The following NOD2 variants were observed in gnomAD, a reference collection of about 807,000 sequenced individuals.
The protein encoded by NOD2 is nucleotide binding oligomerization domain containing 2, also known as nucleotide-binding oligomerization domain-containing protein 2.
In NOD2, 86 loss-of-function variants were observed where a neutral mutation model predicts 90.9. The observed-to-expected ratio is 0.95, with a 90% CI of 0.79 to 1.13. NOD2 has a LOEUF of 1.13. Among genes scored for constraint, NOD2 ranks in the 50% most tolerant of loss-of-function variants. NOD2 has a pLI of 0.00. For missense variants in NOD2, 1,238 were observed against 1,283.8 expected (o/e 0.96, Z 0.55); for synonymous variants, 581 against 554.6 (o/e 1.05, Z -0.67).
At position 50,711,722 on chromosome 16, in the gene NOD2, T is replaced by G; in HGVS notation, c.1730T>G (p.Ile577Ser). The G allele has an allele frequency of 6.2e-7, 1 of 1,614,138 alleles. No homozygotes were observed. The highest frequency in any genetic ancestry group is 8.5e-7 in the Non-Finnish European group (1 of 1,180,040). ...GSTAPLEFLHITFQCFFAAFY... is the reference protein window; with the variant it reads ...GSTAPLEFLHSTFQCFFAAFY... ...ACGGCGCCCCTGGAATTCCTTCACA[T>G]CACTTTCCAGTGCTTCTTTGCCGCG... Residue 577 changes from isoleucine (I) to serine (S), a missense_variant, in exon 4 of 12, where the codon ATC becomes AGC. Physicochemically the swap from Ile to Ser is moderately radical, Grantham distance 142. This residue lies in a region of NOD2 where 667 missense variants were observed against 688.7 expected (regional missense o/e 0.97). Transcript: ENST00000647318.
intron 6 of NOD2, among the ~76,000 whole-genome samples, chr16:50,718,253 G>A (rs62029864): frequency 0.17 from 25,716 of 152,116 alleles, 2,865 homozygotes; most frequent in Non-Finnish European, 0.25. Flanking sequence ...CACACTTCAG[G>A]AGGAGAATCA....
rs778408661 is a variant in NOD2 at position 50,722,653 on chromosome 16, G to A, written c.2665G>A (p.Ala889Thr). Reference protein sequence around the residue: ...FWGNRVGDEGAQALAEALGDH... With the variant: ...FWGNRVGDEGTQALAEALGDH... ...GGGCAACAGAGTGGGTGACGAGGGG[G>A]CCCAGGCCCTGGCTGAAGCCTTGGG... The change falls in exon 8 of 12, where the codon GCC (alanine) becomes ACC (threonine). Residue 889 changes from alanine (A) to threonine (T), a missense_variant. Ala to Thr is a moderately conservative substitution (Grantham distance 58). Coordinates refer to ENST00000647318, the MANE Select transcript of NOD2 (RefSeq NM_001370466.1). 4.3e-6 allele frequency: 7 copies of A among 1,614,128 alleles called. No homozygotes were observed. Among genetic ancestry groups the A allele is most frequent in the East Asian group, 2.2e-5 (1 of 44,898 alleles).
At position 50,699,578 on chromosome 16, in the gene NOD2, G is replaced by A. The variant is rs749222396; in HGVS notation, c.83G>A (p.Ser28Asn). 2.5e-6 allele frequency: 4 copies of A among 1,613,970 alleles called. No individual in the cohort carries two copies. Among genetic ancestry groups the A allele is most frequent in the Non-Finnish European group, 3.4e-6 (4 of 1,179,960 alleles). The stretch of plus-strand genomic sequence containing the variant: ...TCAGGGTCCCTGGAAGGCTTCGAGA[G>A]TGTCCTGGACTGGCTGCTGTCCTGG... Reference protein sequence around the residue: ...LVSGSLEGFESVLDWLLSWEV... With the variant: ...LVSGSLEGFENVLDWLLSWEV... The change falls in exon 2 of 12, where the codon AGT becomes AAT. Residue 28 changes from serine (S) to asparagine (N), a missense_variant. Coordinates refer to ENST00000647318, the MANE Select transcript of NOD2 (RefSeq NM_001370466.1).
chr16:50,702,096 C>A (rs1036548759), intron 2 of NOD2, among the ~76,000 whole-genome samples: 1 of 152,170 alleles, frequency 6.6e-6, no homozygotes, highest in Non-Finnish European at 1.5e-5. Flanking sequence ...AGGCTAGCAC[C>A]ACCATACCAG....
chr16:50,710,274 C>G (rs1349093078), intron 3 of NOD2, among the ~76,000 whole-genome samples: 1 of 152,266 alleles, frequency 6.6e-6, no homozygotes, highest in East Asian at 1.9e-4. Flanking sequence ...AGCACTTACA[C>G]TGTGCTAAGC....
chr16:50,711,400 C>A lies in NOD2; in HGVS notation c.1408C>A (p.Gln470Lys), dbSNP rs1964490567. The A allele has an allele frequency of 6.2e-7, 1 of 1,613,742 alleles. No individual in the cohort carries two copies. The highest frequency in any genetic ancestry group is 8.5e-7 in the Non-Finnish European group (1 of 1,180,042). The change falls in exon 4 of 12, where the codon CAG becomes AAG. Residue 470 changes from glutamine (Q) to lysine (K), a missense_variant. Coordinates refer to ENST00000647318, the MANE Select transcript of NOD2 (RefSeq NM_001370466.1). ...VFSWMVSKCHQELLLQEGGSP... is the reference protein window; with the variant it reads ...VFSWMVSKCHKELLLQEGGSP... ...CTCATGGATGGTGTCCAAATGCCACCAGGAACTGTTGCTGCAGGAGGGGGG... is the reference window on the plus strand; with the variant it reads ...CTCATGGATGGTGTCCAAATGCCACAAGGAACTGTTGCTGCAGGAGGGGGG...
intron 6 of NOD2, among the ~76,000 whole-genome samples, chr16:50,719,039 C>G (rs1010988395): frequency 6.6e-6 from 1 of 152,162 alleles, no homozygotes; most frequent in Non-Finnish European, 1.5e-5. Context: ...CTTGGCAAGG[C>G]TGATGAGGAG....
chr16:50,714,832 A>C (rs905752603), intron 4 of NOD2, among the ~76,000 whole-genome samples: 3 of 152,086 alleles, frequency 2.0e-5, no homozygotes, highest in Admixed American at 6.5e-5. Flanking sequence ...TGGCTCTCTC[A>C]GACTCTAGAG....
chr16:50,716,437 A>C (rs547949623), intron 4 of NOD2, 150 bp from the exon 5 acceptor site: 1 of 752,150 alleles, frequency 1.3e-6, no homozygotes, highest in African/African-American at 1.7e-5. Flanking sequence ...TGGGGTCTCC[A>C]CTTTTTTGGG....
intron 1 of NOD2, chr16:50,697,432 C>A: frequency 1.9e-6 from 2 of 1,028,162 alleles, no homozygotes; most frequent in Non-Finnish European, 3.0e-6. Flanking sequence ...TGTTTCTGGG[C>A]TGTTTTCTGG....
rs1555501675 is a variant in NOD2 at position 50,725,494 on chromosome 16, A to G, written c.2807A>G (p.Glu936Gly). 5.0e-6 allele frequency: 8 copies of G among 1,613,336 alleles called. No individual in the cohort carries two copies. Among genetic ancestry groups the G allele is most frequent in the Non-Finnish European group, 6.8e-6 (8 of 1,179,252 alleles). Residue 936 changes from glutamate to glycine, a missense_variant, in exon 10 of 12, where the codon GAG becomes GGG. Physicochemically the swap from Glu to Gly is moderately conservative, Grantham distance 98. This residue lies in a region of NOD2 where 667 missense variants were observed against 688.7 expected (regional missense o/e 0.97). Coordinates refer to ENST00000647318, the MANE Select transcript of NOD2 (RefSeq NM_001370466.1). ...TTCTCTCTTCTTCTCACCAGCCTGG[A>G]GGAGAACCATCTCCAGGATGAAGGT... is the stretch of plus-strand genomic sequence containing the variant. ...KNVMLEELCL[E>G]ENHLQDEGVC...
Position 50,711,218 on chromosome 16 carries a change from A to T in NOD2, c.1226A>T (p.Lys409Met), listed in dbSNP as rs778723375. The T allele has an allele frequency of 2.5e-6, 4 of 1,614,030 alleles. No individual in the cohort carries two copies. In the East Asian group the frequency reaches 8.9e-5, roughly 36 times the overall value. Reference protein sequence around the residue: ...RPAAVSAFLRKYIRTEFNLKG... With the variant: ...RPAAVSAFLRMYIRTEFNLKG... ...GCCGCTGTGTCGGCGTTCCTCAGGA[A>T]GTACATCCGCACCGAGTTCAACCTC... Residue 409 changes from lysine to methionine, a missense_variant, in exon 4 of 12, where the codon AAG (lysine) becomes ATG (methionine). Physicochemically the swap from Lys to Met is moderately conservative, Grantham distance 95 (BLOSUM62 -1). Around this residue, in one of 3 missense-constraint regions of NOD2, gnomAD observed 567 missense variants for 577.3 expected, o/e 0.98. Coordinates refer to ENST00000647318, the MANE Select transcript of NOD2 (RefSeq NM_001370466.1).
rs565951357 is a variant in NOD2 at position 50,708,291 on chromosome 16, T to C, written c.565+331T>C. On this transcript the variant is annotated intron_variant, in intron 3 of 11. Transcript: ENST00000647318. ...TACCGAAAAGATATGGACACATGTT[T>C]TGAGTTAGGGCTGGTATCTCTTGAT... Among the ~76,000 whole-genome samples, 5 of 152,350 alleles carry C rather than the reference T, an allele frequency of 3.3e-5. No homozygotes were observed. The East Asian group carries it at 7.7e-4, about 24-fold the overall frequency.
rs374116563 is a variant in NOD2, at chr16:50,711,942, C to G, written c.1950C>G (p.Phe650Leu). 47 of 1,612,082 alleles carry G rather than the reference C, an allele frequency of 2.9e-5. No individual in the cohort carries two copies. Among genetic ancestry groups the G allele is most frequent in the African/African-American group, 6.7e-5 (5 of 74,924 alleles). ...EPHNLQITAA[F>L]LAGLLSREHW... is the part of the protein sequence containing the mutation. ...ACAACCTTCAGATCACAGCAGCCTTCCTGGCAGGGCTGTTGTCCCGGGAGC... is the reference window on the plus strand; with the variant it reads ...ACAACCTTCAGATCACAGCAGCCTTGCTGGCAGGGCTGTTGTCCCGGGAGC... The change falls in exon 4 of 12, where the codon TTC becomes TTG. Residue 650 changes from phenylalanine to leucine, a missense_variant. By Grantham distance (22) the Phe-to-Leu change is conservative. Coordinates refer to ENST00000647318, the MANE Select transcript of NOD2 (RefSeq NM_001370466.1).
intron 1 of NOD2, among the ~76,000 whole-genome samples, chr16:50,698,862 C>T (rs182712299): frequency 6.6e-6 from 1 of 152,078 alleles, no homozygotes; most frequent in East Asian, 1.9e-4. Context: ...TGAAAGAGCC[C>T]CTCTCACCCT....
rs2150811696 is a variant in NOD2, at chr16:50,711,597, C to T, written c.1605C>T (p.Cys535=). The change falls in exon 4 of 12, where the codon TGC becomes TGT. Residue 535 remains cysteine, a synonymous_variant. Transcript: ENST00000647318. ...CTCTGTGGGGCCTGGGCATGTGCTG[C>T]TACGTGTTCTCAGCCCAGCAGCTCC... ...RLALWGLGMC[C]YVFSAQQLQA... 6.2e-7 allele frequency: 1 copy of T among 1,611,548 alleles called. No individual in the cohort carries two copies.
chr16:50,718,183 A>T (rs1161325491), intron 6 of NOD2, among the ~76,000 whole-genome samples: 1 of 152,082 alleles, frequency 6.6e-6, no homozygotes, highest in Non-Finnish European at 1.5e-5. Context: ...TGATGGGAGG[A>T]AGTGAGGTGG....
At position 50,711,521 on chromosome 16, in the gene NOD2, C is replaced by T. The variant is rs1567392735; in HGVS notation, c.1529C>T (p.Pro510Leu). 1 of 1,613,306 alleles carries T rather than the reference C, an allele frequency of 6.2e-7. No individual in the cohort carries two copies. ...PPDSASQGLG[P>L]SLLRGRLPTL... ...GACTCAGCTTCCCAAGGTCTGGGACCCAGTCTTCTTCGGGGCCGCCTCCCC... is the reference window on the plus strand; with the variant it reads ...GACTCAGCTTCCCAAGGTCTGGGACTCAGTCTTCTTCGGGGCCGCCTCCCC... The change falls in exon 4 of 12, where the codon CCC (proline) becomes CTC (leucine). Residue 510 changes from proline (P) to leucine (L), a missense_variant. Pro to Leu is a moderately conservative substitution (Grantham distance 98). Coordinates refer to ENST00000647318, the MANE Select transcript of NOD2 (RefSeq NM_001370466.1).
rs1965478933 is a variant in NOD2, at chr16:50,732,145, G to C, written c.*326G>C. 2.4e-6 allele frequency: 1 copy of C among 420,564 alleles called. No homozygotes were observed. Among genetic ancestry groups the C allele is most frequent in the African/African-American group, 2.0e-5 (1 of 48,998 alleles). The allele number at this position is 420,564 out of a possible 1,614,324, so 26.1% of individuals were successfully genotyped here. A position where few individuals can be genotyped will look rare whatever the true frequency, so the allele number is the denominator to read the frequency against. Reference sequence around the variant, plus strand: ...TCCCAGGCTTCCGTGTGGGTCAGTGGGGCCCATGGATGTGCTTGTTAACTG... The same window carrying C: ...TCCCAGGCTTCCGTGTGGGTCAGTGCGGCCCATGGATGTGCTTGTTAACTG... On this transcript the variant is annotated 3_prime_UTR_variant, in exon 12 of 12. Coordinates refer to ENST00000647318, the MANE Select transcript of NOD2 (RefSeq NM_001370466.1).
Sources: allele counts gnomAD v4.1 joint callset (sites outside exome capture counted in the v4.1 genomes callset), GRCh38; gene constraint gnomAD v4.1.1; regional missense constraint gnomAD v4.1.1; transcripts MANE v1.5; gene names NCBI Gene and HGNC (gene_info 2026-07-23, HGNC 2026-07-21).